The following ANKRD30B variants were observed in gnomAD, a reference collection of about 807,000 sequenced individuals.
The protein encoded by ANKRD30B is ankyrin repeat domain 30B.
A neutral mutation model predicts 202.2 loss-of-function variants in ANKRD30B; 144 were observed. The observed-to-expected ratio is 0.71, with a 90% CI of 0.62 to 0.82. The LOEUF (loss-of-function observed/expected upper bound fraction) is 0.82. ANKRD30B is among the 40% of genes least tolerant of loss of function. The probability of loss-of-function intolerance (pLI) is 0.00; values close to 1 mark genes in which losing one functional copy is unlikely to be tolerated. For synonymous variants in ANKRD30B, 508 were observed against 561.3 expected (o/e 0.91, Z 1.34); for missense variants, 1,487 against 1,669.1 (o/e 0.89, Z 1.90).
chr18:14,854,437 G>A lies in ANKRD30B; in HGVS notation c.*279G>A, dbSNP rs1226100220. Among the ~76,000 whole-genome samples, 3 of 152,114 alleles carry A rather than the reference G, an allele frequency of 2.0e-5. No individual in the cohort carries two copies. In the East Asian group the frequency reaches 5.8e-4, roughly 30 times the overall value. ...GGGTAGAATCCCATGCATGAGAAGG[G>A]GACAGGTCCTTTCTTCACAAGACCA... On this transcript the variant is annotated 3_prime_UTR_variant, in exon 44 of 44. Coordinates refer to ENST00000690538, the MANE Select transcript of ANKRD30B (RefSeq NM_001367607.2).
intron 33 of ANKRD30B, among the ~76,000 whole-genome samples, chr18:14,829,425 A>C (rs917356296): frequency 1.3e-5 from 2 of 152,306 alleles, no homozygotes; most frequent in African/African-American, 4.8e-5. Flanking sequence ...AAGGGGATGG[A>C]TCTGATTAAA....
intron 1 of ANKRD30B, among the ~76,000 whole-genome samples, chr18:14,752,297 C>G (rs1913577916): frequency 1.3e-5 from 2 of 152,118 alleles, no homozygotes; most frequent in South Asian, 4.1e-4. Flanking sequence ...GTTTAAGTGA[C>G]AGCTAGAAAG....
At chr18:14,877,082 A>T in the ANKRD30B span, among the ~76,000 whole-genome samples, 3 of 152,158 alleles carry the variant, frequency 2.0e-5, no homozygotes, top group African/African-American at 7.2e-5. Context: ...CTCTTCTTTG[A>T]GTATGTCTCA....
chr18:14,823,561 T>C (rs1325274915), intron 32 of ANKRD30B, among the ~76,000 whole-genome samples: 1 of 152,056 alleles, frequency 6.6e-6, no homozygotes, highest in Non-Finnish European at 1.5e-5. Context: ...CACGGTGTTT[T>C]AGAAGCGTGA....
In ANKRD30B at chr18:14,797,646, T is replaced by C. The variant is rs1362456361; in HGVS notation, c.1928-15T>C. Reference sequence around the variant, plus strand: ...GCTTGCATATAATCAATTATAAATGTCCCTTTTCTTTTAGAGTCTCCTGAT... The same window carrying C: ...GCTTGCATATAATCAATTATAAATGCCCCTTTTCTTTTAGAGTCTCCTGAT... On this transcript the variant is annotated splice_polypyrimidine_tract_variant and intron_variant, in intron 18 of 43. Coordinates refer to ENST00000690538, the MANE Select transcript of ANKRD30B (RefSeq NM_001367607.2). The C allele has an allele frequency of 5.0e-6, 8 of 1,603,492 alleles. No individual in the cohort carries two copies. In the South Asian group the frequency reaches 7.7e-5, roughly 15 times the overall value.
At chr18:14,932,675 A>G in the ANKRD30B span, among the ~76,000 whole-genome samples, 351 of 152,152 alleles carry the variant, frequency 2.3e-3, 2 homozygotes, top group Non-Finnish European at 2.8e-3. Flanking sequence ...TGTCCTGGGT[A>G]TGTTCTGGGA....
At chr18:14,797,468 T>C (rs1257503462) in intron 18 of ANKRD30B, among the ~76,000 whole-genome samples, 193 bp from the exon 19 acceptor site, 1 of 152,142 alleles carries the variant, frequency 6.6e-6, no homozygotes, top group Non-Finnish European at 1.5e-5. Context: ...TTTTATTCCA[T>C]AGCAATAGTT....
At chr18:14,845,275 G>A (rs1971585275) in intron 39 of ANKRD30B, among the ~76,000 whole-genome samples, 2 of 150,782 alleles carry the variant, frequency 1.3e-5, no homozygotes, top group Admixed American at 6.6e-5. Context: ...TGTATAAGGT[G>A]TAAGGAAGTG....
chr18:14,843,537 C>G (rs1409529078), intron 39 of ANKRD30B, among the ~76,000 whole-genome samples: 1 of 136,994 alleles, frequency 7.3e-6, no homozygotes, highest in African/African-American at 2.7e-5. Flanking sequence ...ATCTGTTGTT[C>G]TGATTAGCTT....
chr18:14,779,751 T>C (rs141011332), intron 10 of ANKRD30B, among the ~76,000 whole-genome samples: 91 of 107,336 alleles, frequency 8.5e-4, no homozygotes, highest in African/African-American at 2.9e-3. Context: ...TATTGCTTTT[T>C]GCATTCTAAT....
intron 22 of ANKRD30B, among the ~76,000 whole-genome samples, chr18:14,800,232 G>GCAAA (rs769751693): frequency 6.7e-6 from 1 of 149,874 alleles, no homozygotes; most frequent in African/African-American, 2.5e-5. Context: ...ATCTCAAAAA[G>GCAAA]CAAACAACCA....
At chr18:14,876,076 G>A in the ANKRD30B span, among the ~76,000 whole-genome samples, 4 of 151,996 alleles carry the variant, frequency 2.6e-5, no homozygotes, top group East Asian at 7.7e-4. Context: ...ATGTGCCTAA[G>A]CCTGGGTCGT....
intron 43 of ANKRD30B, among the ~76,000 whole-genome samples, 97 bp from the exon 44 acceptor site, chr18:14,854,095 A>C (rs1247771658): frequency 6.6e-6 from 1 of 152,192 alleles, no homozygotes; most frequent in Non-Finnish European, 1.5e-5. Context: ...TTATATGTTC[A>C]TTATAATTAG....
chr18:14,895,128 G>A, the ANKRD30B span, among the ~76,000 whole-genome samples: 2 of 147,588 alleles, frequency 1.4e-5, no homozygotes, highest in African/African-American at 5.1e-5. Flanking sequence ...ACTGACACTG[G>A]GGACTACTGG....
intron 10 of ANKRD30B, among the ~76,000 whole-genome samples, chr18:14,778,284 A>C (rs1276236859): frequency 2.0e-5 from 3 of 152,218 alleles, no homozygotes; most frequent in Non-Finnish European, 4.4e-5. Context: ...GTTTAAATTC[A>C]ATATACTGTA....
the ANKRD30B span, among the ~76,000 whole-genome samples, chr18:14,865,402 C>T: frequency 1.3e-5 from 2 of 151,464 alleles, no homozygotes; most frequent in South Asian, 2.1e-4. Context: ...CCTCCATCTA[C>T]TCAAAATCTT....
intron 1 of ANKRD30B, 44 bp downstream of exon 1, chr18:14,748,684 G>C: frequency 6.8e-7 from 1 of 1,480,626 alleles, no homozygotes; most frequent in South Asian, 1.4e-5. Context: ...GGAGGAGGCG[G>C]CTGTGGGAGG....
At chr18:14,867,026 A>G in the ANKRD30B span, among the ~76,000 whole-genome samples, 1 of 136,978 alleles carries the variant, frequency 7.3e-6, no homozygotes, top group African/African-American at 2.7e-5. Flanking sequence ...CCGTGGGGGA[A>G]AGGGGAAGGT....
intron 23 of ANKRD30B, 43 bp from the exon 24 acceptor site, chr18:14,803,691 G>C: frequency 1.3e-6 from 2 of 1,528,364 alleles, no homozygotes; most frequent in South Asian, 2.3e-5. Context: ...CTCATTATTG[G>C]GATTTCTCCA....
Sources: allele counts gnomAD v4.1 joint callset (sites outside exome capture counted in the v4.1 genomes callset), GRCh38; gene constraint gnomAD v4.1.1; transcripts MANE v1.5; gene names NCBI Gene and HGNC (gene_info 2026-07-23, HGNC 2026-07-21).